The following GNB3 variants were observed in gnomAD, a reference collection of about 807,000 sequenced individuals.
The protein encoded by GNB3 is guanine nucleotide-binding protein G(I)/G(S)/G(T) subunit beta-3.
Under a neutral mutation model 41.2 loss-of-function variants are expected in GNB3, and 33 were observed. The observed-to-expected ratio is 0.80, with a 90% confidence interval of 0.61 to 1.07. The LOEUF is 1.07. GNB3 is among the 50% of genes least tolerant of loss of function. The pLI, the probability that GNB3 is intolerant of heterozygous loss-of-function variation, is 0.00. For missense variants in GNB3, 409 were observed against 455.3 expected, an observed-to-expected ratio of 0.90 and a Z score of 0.92; for synonymous variants, 172 against 173.4, an observed-to-expected ratio of 0.99 and a Z score of 0.06.
chr12:6,843,691 A>G lies in GNB3; in HGVS notation c.490A>G (p.Thr164Ala). The G allele has an allele frequency of 6.2e-7, 1 of 1,613,988 alleles. No homozygotes were observed. Among genetic ancestry groups the G allele is most frequent in the South Asian group, 1.1e-5 (1 of 91,070 alleles). ...DNNIVTSSGD[T>A]TCALWDIETG... ...CAATATTGTGACCAGCTCGGGGGAC[A>G]CCACGTGGTGAGGCTGAACATTGCT... The change falls in exon 7 of 10, where the codon ACC becomes GCC. Residue 164 changes from threonine to alanine, a missense_variant. By Grantham distance (58) the Thr-to-Ala change is moderately conservative. Transcript: ENST00000229264. This position sits in a 1 kb window ranked among gnomAD's most constrained non-coding sequence, Gnocchi z 5.9.
chr12:6,845,877 C>G, intron 9 of GNB3, 75 bp downstream of exon 9: 1 of 990,306 alleles, frequency 1.0e-6, no homozygotes. Context: ...TTCTGTACCC[C>G]CCATCAGCTC....
chr12:6,843,623 C>T lies in GNB3; in HGVS notation c.431-9C>T, dbSNP rs377593669. On this transcript the variant is annotated splice_polypyrimidine_tract_variant and intron_variant, in intron 6 of 9. Transcript: ENST00000229264. This position sits in a 1 kb window ranked among gnomAD's most constrained non-coding sequence, Gnocchi z 5.9. ...GCAGCCAGGGCACTGTCCTTCTAACCGCCTCCAGGTTATCTCTCCTGCTGC... is the reference window on the plus strand; with the variant it reads ...GCAGCCAGGGCACTGTCCTTCTAACTGCCTCCAGGTTATCTCTCCTGCTGC... The T allele has an allele frequency of 8.8e-5, 142 of 1,614,072 alleles. 1 individual carries two copies. Among genetic ancestry groups the T allele is most frequent in the South Asian group, 4.7e-4 (43 of 91,080 alleles).
chr12:6,841,238 C>T lies in GNB3; in HGVS notation c.-30-20C>T, dbSNP rs782556422. 1.2e-5 allele frequency: 18 copies of T among 1,522,796 alleles called. No individual in the cohort carries two copies. The East Asian group carries it at 1.8e-4, about 15-fold the overall frequency. The allele number at this position is 1,522,796 out of a possible 1,614,324, so 94.3% of individuals were successfully genotyped here. A position where few individuals can be genotyped will look rare whatever the true frequency, so the allele number is the denominator to read the frequency against. On this transcript the variant is annotated intron_variant, in intron 1 of 9. Coordinates refer to ENST00000229264, the MANE Select transcript of GNB3 (RefSeq NM_002075.4). ...AGCCTGGTGGGGGGTTCCTCAACAC[C>T]GACCCCATGTTCCTGGCAGGAGCCA...
chr12:6,845,863 C>T (rs1283660551), intron 9 of GNB3, 61 bp downstream of exon 9: 3 of 1,182,854 alleles, frequency 2.5e-6, no homozygotes, highest in African/African-American at 3.0e-5. Context: ...GCCCTCCCTC[C>T]CCATTCTGTA....
rs782594215 is a variant in GNB3, at chr12:6,843,459, TC to T, written c.366del (p.Ile123SerfsTer36). On this transcript the variant is annotated frameshift_variant, in exon 6 of 10. Coordinates refer to ENST00000229264, the MANE Select transcript of GNB3 (RefSeq NM_002075.4). LOFTEE classifies it high-confidence loss of function. The surrounding 1 kb of genome is among the most constrained non-coding windows in gnomAD (Gnocchi z 5.9). ...ATGTGGGGGGCTGGACAACATGTGT[TC>T]CATCTACAACCTCAAATCCCGTGAG... The part of the protein sequence containing the change: ...VACGGLDNMC[S>X]IYNLKSREGN... 6.2e-7 allele frequency: 1 copy of T among 1,614,078 alleles called. No individual in the cohort carries two copies. The highest frequency in any genetic ancestry group is 1.7e-5 in the Admixed American group (1 of 60,016).
Position 6,842,972 on chromosome 12 carries a change from GGT to G in GNB3, c.102_103del (p.Ser35TrpfsTer31). 1 of 1,533,818 alleles carries G rather than the reference GGT, an allele frequency of 6.5e-7. No individual in the cohort carries two copies. Among genetic ancestry groups the G allele is most frequent in the Non-Finnish European group, 8.8e-7 (1 of 1,135,794 alleles). On this transcript the variant is annotated frameshift_variant, in exon 4 of 10. Coordinates refer to ENST00000229264, the MANE Select transcript of GNB3 (RefSeq NM_002075.4). LOFTEE classifies it high-confidence loss of function. ...ATTCAGTGCCCCTCTCTCTGCAGCT[GGT>G]GTCTGGCCTAGAGGTGGTGGGACGA... is the stretch of plus-strand genomic sequence containing the variant. Reference protein sequence around the residue: ...ACADVTLAELVSGLEVVGRVQ... With the variant: ...ACADVTLAELXSGLEVVGRVQ...
Position 6,846,864 on chromosome 12 carries a change from G to C in GNB3, c.989G>C (p.Gly330Ala), listed in dbSNP as rs781960283. The part of the protein sequence containing the change: ...VTADGMAVAT[G>A]SWDSFLKIWN ...GCTGACGGGATGGCTGTGGCCACAGGTTCCTGGGACAGCTTCCTCAAAATC... is the reference window on the plus strand; with the variant it reads ...GCTGACGGGATGGCTGTGGCCACAGCTTCCTGGGACAGCTTCCTCAAAATC... Residue 330 changes from glycine (G) to alanine (A), a missense_variant, in exon 10 of 10, where the codon GGT becomes GCT. By Grantham distance (60) the Gly-to-Ala change is moderately conservative. Coordinates refer to ENST00000229264, the MANE Select transcript of GNB3 (RefSeq NM_002075.4). 2 of 1,598,512 alleles carry C rather than the reference G, an allele frequency of 1.3e-6. No homozygotes were observed. Among genetic ancestry groups the C allele is most frequent in the Non-Finnish European group, 1.7e-6 (2 of 1,172,366 alleles).
chr12:6,846,704 C>CACAG (rs2137995281), intron 9 of GNB3, 88 bp from the exon 10 acceptor site: 1 of 724,762 alleles, frequency 1.4e-6, no homozygotes, highest in Admixed American at 2.1e-5. Context: ...CACACACCCA[C>CACAG]ACACCCACAC....
Position 6,843,375 on chromosome 12 carries a change from C to T in GNB3, c.280C>T (p.Pro94Ser). Residue 94 changes from proline to serine, a missense_variant, in exon 6 of 10, where the codon CCA (proline) becomes TCA (serine). Pro to Ser is a moderately conservative substitution (Grantham distance 74). Coordinates refer to ENST00000229264, the MANE Select transcript of GNB3 (RefSeq NM_002075.4). The surrounding 1 kb of genome is among the most constrained non-coding windows in gnomAD (Gnocchi z 5.9). ...SYTTNKVHAIPLRSSWVMTCA... is the reference protein window; with the variant it reads ...SYTTNKVHAISLRSSWVMTCA... Reference sequence around the variant, plus strand: ...ACCCTCCCTGCAGGTGCACGCCATCCCACTGCGCTCCTCCTGGGTCATGAC... The same window carrying T: ...ACCCTCCCTGCAGGTGCACGCCATCTCACTGCGCTCCTCCTGGGTCATGAC... The T allele has an allele frequency of 1.9e-6, 3 of 1,614,142 alleles. No individual in the cohort carries two copies. Among genetic ancestry groups the T allele is most frequent in the Non-Finnish European group, 2.5e-6 (3 of 1,180,008 alleles).
intron 9 of GNB3, 49 bp downstream of exon 9, chr12:6,845,851 C>A: frequency 7.7e-7 from 1 of 1,305,204 alleles, no homozygotes; most frequent in Non-Finnish European, 1.1e-6. Flanking sequence ...GGACCCTCCC[C>A]AGCCCTCCCT....
At chr12:6,841,449 AC>A in intron 2 of GNB3, 105 bp downstream of exon 2, 1 of 1,195,330 alleles carries the variant, frequency 8.4e-7, no homozygotes, top group Non-Finnish European at 1.2e-6. Context: ...ACTAGAAGTG[AC>A]CAGGGACTTT....
chr12:6,843,304 T>G lies in GNB3; in HGVS notation c.268-59T>G, dbSNP rs1943611480. ...CCTAAGGGCGCCATGCCTACCCTCC[T>G]GTGCCCAGCTGGGAGCTTGGCTCCG... On this transcript the variant is annotated intron_variant, in intron 5 of 9. Coordinates refer to ENST00000229264, the MANE Select transcript of GNB3 (RefSeq NM_002075.4). The surrounding 1 kb of genome is among the most constrained non-coding windows in gnomAD (Gnocchi z 5.9). 1.2e-6 allele frequency: 2 copies of G among 1,610,926 alleles called. No individual in the cohort carries two copies.
chr12:6,841,110 C>T, intron 1 of GNB3, 77 bp downstream of exon 1: 1 of 634,404 alleles, frequency 1.6e-6, no homozygotes, highest in Non-Finnish European at 2.8e-6. Context: ...GGGCTGGACG[C>T]AAAGGACCTC....
intron 2 of GNB3, 49 bp downstream of exon 2, chr12:6,841,393 TGAG>T (rs782012479): frequency 3.3e-6 from 5 of 1,519,792 alleles, no homozygotes; most frequent in African/African-American, 2.7e-5. Flanking sequence ...GCTGGGGACA[TGAG>T]GAGCGTGGCC....
At chr12:6,844,410 C>T (rs782656757) in intron 8 of GNB3, among the ~76,000 whole-genome samples, 2 of 151,956 alleles carry the variant, frequency 1.3e-5, no homozygotes, top group African/African-American at 4.8e-5. Context: ...CCCAGTCTTC[C>T]CTAGCCCTTT....
At chr12:6,846,024 T>G (rs118019714) in intron 9 of GNB3, 12,761 of 554,986 alleles carry the variant, frequency 0.023, 199 homozygotes, top group Non-Finnish European at 0.03. Flanking sequence ...CCCAATGCCA[T>G]GACTGCTCCC....
intron 1 of GNB3, 48 bp from the exon 2 acceptor site, chr12:6,841,210 C>A (rs1943567021): frequency 8.0e-7 from 1 of 1,252,922 alleles, no homozygotes; most frequent in Non-Finnish European, 1.2e-6. Context: ...AGGGCAGAAG[C>A]ACAGCCTGGT....
chr12:6,845,843 AC>A (rs782087746), intron 9 of GNB3, 41 bp downstream of exon 9: 9 of 1,422,786 alleles, frequency 6.3e-6, no homozygotes, highest in Middle Eastern at 1.8e-4. Context: ...AGCTGGAAGG[AC>A]CCTCCCCAGC....
chr12:6,841,408 A>AG, intron 2 of GNB3, 64 bp downstream of exon 2: 2 of 1,427,146 alleles, frequency 1.4e-6, no homozygotes, highest in South Asian at 1.2e-5. Context: ...AGCGTGGCCC[A>AG]GGGGGAGGGG....
Sources: allele counts gnomAD v4.1 joint callset (sites outside exome capture counted in the v4.1 genomes callset), GRCh38; gene constraint gnomAD v4.1.1; non-coding constraint Gnocchi (gnomAD v3.1); transcripts MANE v1.5; gene names NCBI Gene and HGNC (gene_info 2026-07-23, HGNC 2026-07-21).